MYT1: variants seen among roughly 807,000 people sequenced by gnomAD.
MYT1 encodes myelin transcription factor 1.
MYT1 carries 23 observed loss-of-function variants against 123.0 expected under a neutral mutation model. The ratio of observed to expected loss-of-function variants is 0.19; its 90% confidence interval spans 0.13 to 0.26. The LOEUF (loss-of-function observed/expected upper bound fraction) is 0.26. Among genes scored for constraint, MYT1 ranks in the 10% least tolerant of loss-of-function variants. The pLI is 1.00. For synonymous variants in MYT1, 518 were observed against 575.3 expected, an observed-to-expected ratio of 0.90 and a Z score of 1.43; for missense variants, 1,125 against 1,472.5, an observed-to-expected ratio of 0.76 and a Z score of 3.86.
intron 10 of MYT1, among the ~76,000 whole-genome samples, chr20:64,215,283 T>G (rs1261784959): frequency 2.0e-5 from 3 of 152,192 alleles, no homozygotes; most frequent in Non-Finnish European, 4.4e-5. Flanking sequence ...TGACCTCAGT[T>G]TGTTCACTTA....
chr20:64,225,285 G>A (rs1050974622), intron 16 of MYT1, among the ~76,000 whole-genome samples: 17 of 152,196 alleles, frequency 1.1e-4, no homozygotes, highest in Admixed American at 2.0e-4. Flanking sequence ...GATCAGCCTC[G>A]TGGCAGCCAT....
chr20:64,204,983 T>G, intron 4 of MYT1, 52 bp from the exon 5 acceptor site: 3 of 1,572,948 alleles, frequency 1.9e-6, no homozygotes, highest in Non-Finnish European at 2.6e-6. Context: ...CGACAGGCTC[T>G]GAGATCTGAG....
At position 64,218,697 on chromosome 20, in the gene MYT1, C is replaced by T. The variant is rs1194304378; in HGVS notation, c.1847-214C>T. On this transcript the variant is annotated intron_variant, in intron 11 of 22. Coordinates refer to ENST00000328439, the MANE Select transcript of MYT1 (RefSeq NM_004535.3). The surrounding 1 kb of genome is among the most constrained non-coding windows in gnomAD (Gnocchi z 4.0). The stretch of plus-strand genomic sequence containing the variant: ...TTGGGACTGGGACGGGTGGCCAAGC[C>T]CCTGGCCCACTTCGATATAGCTGTG... 1.9e-5 allele frequency: 12 copies of T among 648,262 alleles called. No individual in the cohort carries two copies. The highest frequency in any genetic ancestry group is 1.4e-4 in the South Asian group (8 of 55,268). 40.2% of individuals were successfully genotyped at this position (648,262 alleles called of 1,614,324 possible).
At chr20:64,201,900 T>TGTCGGGAACCCCCGC in intron 4 of MYT1, among the ~76,000 whole-genome samples, 1 of 115,408 alleles carries the variant, frequency 8.7e-6, no homozygotes, top group South Asian at 3.0e-4. Context: ...GGAACCCCCG[T>TGTCGGGAACCCCCGC]GTGTCGGGAA....
chr20:64,169,819 C>T (rs1350873577), intron 1 of MYT1, among the ~76,000 whole-genome samples: 2 of 152,196 alleles, frequency 1.3e-5, no homozygotes, highest in Admixed American at 6.5e-5. Context: ...TTATTTTAAT[C>T]GTTGAGACCG....
intron 6 of MYT1, 72 bp downstream of exon 6, chr20:64,205,872 G>T: frequency 6.4e-7 from 1 of 1,571,332 alleles, no homozygotes; most frequent in East Asian, 2.3e-5. Context: ...GCCTGTGAGC[G>T]GGGAGGGGCT....
At position 64,208,042 on chromosome 20, in the gene MYT1, G is replaced by A. The variant is rs138095674; in HGVS notation, c.846G>A (p.Glu282=). 4.6e-4 allele frequency: 740 copies of A among 1,596,068 alleles called. No individual in the cohort carries two copies. Among genetic ancestry groups the A allele is most frequent in the Non-Finnish European group, 6.1e-4 (710 of 1,169,770 alleles). Residue 282 remains glutamate, a synonymous_variant, in exon 7 of 23, where the codon GAG becomes GAA. Coordinates refer to ENST00000328439, the MANE Select transcript of MYT1 (RefSeq NM_004535.3). This position sits in a 1 kb window ranked among gnomAD's most constrained non-coding sequence, Gnocchi z 5.4. ...ATGAAGAAGAGGAAGAGGAAGAGGA[G>A]GAGGAAGAGGAAGAGGAGGAGGAGG... The part of the protein sequence containing the change: ...EEDEEEEEEE[E]EEEEEEEEEE...
At chr20:64,222,088 C>T (rs201178704) in intron 14 of MYT1, 41 bp downstream of exon 14, 404 of 1,608,096 alleles carry the variant, frequency 2.5e-4, no homozygotes, top group Non-Finnish European at 2.5e-4. Flanking sequence ...AGGGGACCCT[C>T]TGTGGCCTGG....
Position 64,193,013 on chromosome 20 carries a change from C to G in MYT1, c.-1+2853C>G, listed in dbSNP as rs1204377868. The stretch of plus-strand genomic sequence containing the variant: ...GCCAGTATCCCATGCTTAGAGCTGT[C>G]AAGAGAACCCCTTCTCAGACATGTG... On this transcript the variant is annotated intron_variant, in intron 2 of 22. Coordinates refer to ENST00000328439, the MANE Select transcript of MYT1 (RefSeq NM_004535.3). This position sits in a 1 kb window ranked among gnomAD's most constrained non-coding sequence, Gnocchi z 4.0. Among the ~76,000 whole-genome samples the G allele has an allele frequency of 6.6e-6, 1 of 152,180 alleles. No homozygotes were observed. Among genetic ancestry groups the G allele is most frequent in the Middle Eastern group, 3.2e-3 (1 of 316 alleles).
At chr20:64,173,092 C>T (rs1300098766) in intron 1 of MYT1, among the ~76,000 whole-genome samples, 1 of 152,186 alleles carries the variant, frequency 6.6e-6, no homozygotes, top group Non-Finnish European at 1.5e-5. Context: ...GTTTCCATCA[C>T]AGCCCCTTCT....
At chr20:64,177,189 T>C (rs1982483898) in intron 1 of MYT1, among the ~76,000 whole-genome samples, 5 of 152,154 alleles carry the variant, frequency 3.3e-5, no homozygotes, top group South Asian at 4.1e-4. Flanking sequence ...TTGGCTTTTA[T>C]TGAATAGAGA....
rs372703535 is a variant in MYT1 at position 64,218,406 on chromosome 20, G to A, written c.1847-505G>A. Among the ~76,000 whole-genome samples, 2 of 152,134 alleles carry A rather than the reference G, an allele frequency of 1.3e-5. No homozygotes were observed. The highest frequency in any genetic ancestry group is 2.1e-4 in the South Asian group (1 of 4,826). On this transcript the variant is annotated intron_variant, in intron 11 of 22. Transcript: ENST00000328439. The surrounding 1 kb of genome is among the most constrained non-coding windows in gnomAD (Gnocchi z 4.0). ...CTTTTTTAAGGCAGTGATGGTTACCGGGGACACCAAGTCAGCCTAAATATG... is the reference window on the plus strand; with the variant it reads ...CTTTTTTAAGGCAGTGATGGTTACCAGGGACACCAAGTCAGCCTAAATATG...
At chr20:64,181,734 G>A (rs117203428) in intron 1 of MYT1, among the ~76,000 whole-genome samples, 3,231 of 152,318 alleles carry the variant, frequency 0.021, 84 homozygotes, top group South Asian at 0.13. Flanking sequence ...GCCAGGAAAG[G>A]TCCCAGGAAC....
chr20:64,183,866 G>T (rs1280879800), intron 1 of MYT1, among the ~76,000 whole-genome samples: 3 of 152,118 alleles, frequency 2.0e-5, no homozygotes, highest in African/African-American at 7.2e-5. Context: ...TGTCACGCAG[G>T]CTAGAGTGCA....
At position 64,227,374 on chromosome 20, in the gene MYT1, G is replaced by A. The variant is rs202118107; in HGVS notation, c.2529-41G>A. The A allele has an allele frequency of 4.1e-4, 654 of 1,604,698 alleles. 5 individuals carry two copies. The African/African-American group carries it at 7.5e-3, about 18-fold the overall frequency. The stretch of plus-strand genomic sequence containing the variant: ...CCAGGGCTCTGGGCCGGGGCTAAAC[G>A]CCTTCACGGGCTCCCGTTCCAGTTC... On this transcript the variant is annotated intron_variant, in intron 16 of 22. Coordinates refer to ENST00000328439, the MANE Select transcript of MYT1 (RefSeq NM_004535.3).
chr20:64,194,887 G>C (rs1983063005), intron 2 of MYT1, among the ~76,000 whole-genome samples: 1 of 152,078 alleles, frequency 6.6e-6, no homozygotes, highest in East Asian at 1.9e-4. Context: ...CTATGTGTCT[G>C]GGTTCTTTTC....
intron 1 of MYT1, among the ~76,000 whole-genome samples, chr20:64,178,730 C>T (rs994220600): frequency 4.3e-5 from 6 of 140,886 alleles, no homozygotes; most frequent in East Asian, 2.2e-4. Flanking sequence ...AGCCGTTATT[C>T]GGTGAGATAC....
rs1437051139 is a variant in MYT1, at chr20:64,231,779, G to A, written c.2676-385G>A. Among the ~76,000 whole-genome samples, 3 of 152,128 alleles carry A rather than the reference G, an allele frequency of 2.0e-5. No homozygotes were observed. The highest frequency in any genetic ancestry group is 2.0e-4 in the Admixed American group (3 of 15,278). ...AGCTCCCAGGGAGTGGCCTCTAGGTGGTCTCAGCTGACAACATGGCTCCAC... is the reference window on the plus strand; with the variant it reads ...AGCTCCCAGGGAGTGGCCTCTAGGTAGTCTCAGCTGACAACATGGCTCCAC... On this transcript the variant is annotated intron_variant, in intron 18 of 22. Transcript: ENST00000328439. The surrounding 1 kb of genome is among the most constrained non-coding windows in gnomAD (Gnocchi z 6.4).
intron 1 of MYT1, among the ~76,000 whole-genome samples, chr20:64,172,092 G>C (rs1400401932): frequency 6.6e-6 from 1 of 152,192 alleles, no homozygotes; most frequent in East Asian, 1.9e-4. Flanking sequence ...AAGCGTTTGT[G>C]TTTTCCCCAA....
Sources: allele counts gnomAD v4.1 joint callset (sites outside exome capture counted in the v4.1 genomes callset), GRCh38; gene constraint gnomAD v4.1.1; non-coding constraint Gnocchi (gnomAD v3.1); transcripts MANE v1.5; gene names NCBI Gene and HGNC (gene_info 2026-07-23, HGNC 2026-07-21).